Variants in ENPP1 observed in about 807,000 individuals in gnomAD.
The protein encoded by ENPP1 is ectonucleotide pyrophosphatase/phosphodiesterase family member 1.
Under a neutral mutation model 122.8 loss-of-function variants are expected in ENPP1, and 73 were observed. The observed-to-expected ratio is 0.59, with a 90% CI of 0.49 to 0.72. The LOEUF is 0.72. Among genes scored for constraint, ENPP1 ranks in the 30% least tolerant of loss-of-function variants. The pLI is 0.00. For synonymous variants in ENPP1, 367 were observed against 391.6 expected, an observed-to-expected ratio of 0.94 and a Z score of 0.74; for missense variants, 978 against 1,128.1, an observed-to-expected ratio of 0.87 and a Z score of 1.91.
At chr6:131,887,353 C>T (rs7767170) in intron 24 of ENPP1, among the ~76,000 whole-genome samples, 11,241 of 151,158 alleles carry the variant, frequency 0.074, 957 homozygotes, top group African/African-American at 0.21. Context: ...TAAAAATCTA[C>T]ATTGTAGATT....
At chr6:131,879,783 T>C in intron 19 of ENPP1, 97 bp from the exon 20 acceptor site, 1 of 1,105,584 alleles carries the variant, frequency 9.0e-7, no homozygotes, top group Non-Finnish European at 1.4e-6. Flanking sequence ...AAATCTTCAA[T>C]ATAATTAAGT....
rs143497924 is a variant in ENPP1, at chr6:131,813,675, G to A, written c.240+5400G>A. Among the ~76,000 whole-genome samples the A allele has an allele frequency of 2.2e-3, 335 of 152,162 alleles. 1 individual carries two copies. Among genetic ancestry groups the A allele is most frequent in the Middle Eastern group, 0.01 (3 of 294 alleles). ...CTTATTGCCACAGAGACGTTTTCGCGGTCTTATTTCTATTGTAACATTAAT... is the reference window on the plus strand; with the variant it reads ...CTTATTGCCACAGAGACGTTTTCGCAGTCTTATTTCTATTGTAACATTAAT... On this transcript the variant is annotated intron_variant, in intron 1 of 24. Coordinates refer to ENST00000647893, the MANE Select transcript of ENPP1 (RefSeq NM_006208.3).
At chr6:131,860,782 T>C (rs1295272119) in intron 8 of ENPP1, among the ~76,000 whole-genome samples, 1 of 151,656 alleles carries the variant, frequency 6.6e-6, no homozygotes, top group African/African-American at 2.4e-5. Context: ...ATAGCAGTAG[T>C]ATGGGGGTAA....
intron 3 of ENPP1, 139 bp from the exon 4 acceptor site, chr6:131,851,003 A>G: frequency 1.1e-6 from 1 of 906,088 alleles, no homozygotes; most frequent in Non-Finnish European, 1.8e-6. Flanking sequence ...TGGTAGTGGC[A>G]GATTCTGTGA....
intron 7 of ENPP1, among the ~76,000 whole-genome samples, chr6:131,859,987 G>C (rs1781996704): frequency 6.6e-6 from 1 of 152,068 alleles, no homozygotes; most frequent in Non-Finnish European, 1.5e-5. Context: ...ATGCTGAGTT[G>C]GTCATGTCCC....
intron 12 of ENPP1, 122 bp downstream of exon 12, chr6:131,868,248 G>A (rs1211438248): frequency 7.0e-6 from 5 of 719,272 alleles, no homozygotes; most frequent in African/African-American, 3.6e-5. Flanking sequence ...GTTTCTTATG[G>A]ACAGTCTTTA....
intron 23 of ENPP1, among the ~76,000 whole-genome samples, chr6:131,885,841 C>G (rs1255190973): frequency 1.3e-5 from 2 of 152,162 alleles, no homozygotes; most frequent in Admixed American, 6.5e-5. Flanking sequence ...AGCTGTAGCA[C>G]TGGAGAGGAT....
intron 2 of ENPP1, 101 bp downstream of exon 2, chr6:131,847,949 T>G: frequency 1.1e-6 from 1 of 881,980 alleles, no homozygotes; most frequent in African/African-American, 1.6e-5. Flanking sequence ...TATCTCCTAT[T>G]CCTATGGGTA....
At chr6:131,860,226 T>C (rs558480196) in intron 7 of ENPP1, among the ~76,000 whole-genome samples, 161 bp from the exon 8 acceptor site, 6 of 152,330 alleles carry the variant, frequency 3.9e-5, no homozygotes, top group South Asian at 2.1e-4. Flanking sequence ...TCTTAAGAGG[T>C]TGCGTTTTGC....
chr6:131,892,098 C>A lies in ENPP1; in HGVS notation c.*1587C>A, dbSNP rs530674864. 6.6e-6 allele frequency: 1 copy of A among 152,128 alleles called. No individual in the cohort carries two copies. Among genetic ancestry groups the A allele is most frequent in the Admixed American group, 6.5e-5 (1 of 15,276 alleles). The allele number at this position is 152,128 out of a possible 1,614,324, so 9.4% of individuals were successfully genotyped here. On this transcript the variant is annotated 3_prime_UTR_variant, in exon 25 of 25. Coordinates refer to ENST00000647893, the MANE Select transcript of ENPP1 (RefSeq NM_006208.3). ...TTTTTATGATGGCTGCTGTAAAATC[C>A]TTATCAGATAATTCCAACATCTGTC...
chr6:131,825,979 G>A (rs1781542132), intron 1 of ENPP1: 3 of 616,786 alleles, frequency 4.9e-6, no homozygotes, highest in Admixed American at 2.3e-5. Flanking sequence ...CTCTTCATTA[G>A]GTCAACATTT....
At chr6:131,855,756 C>CTT (rs200014818) in intron 6 of ENPP1, among the ~76,000 whole-genome samples, 4 of 140,744 alleles carry the variant, frequency 2.8e-5, no homozygotes, top group Non-Finnish European at 3.1e-5. Flanking sequence ...TGGACTCTTC[C>CTT]TTTTTTTTTT....
chr6:131,853,585 GT>G (rs1781907369), intron 5 of ENPP1, among the ~76,000 whole-genome samples: 1 of 152,166 alleles, frequency 6.6e-6, no homozygotes, highest in Admixed American at 6.5e-5. Flanking sequence ...GTTCTACAGA[GT>G]CTCTCAGTGG....
intron 1 of ENPP1, among the ~76,000 whole-genome samples, chr6:131,812,448 A>G (rs943815820): frequency 1.3e-5 from 2 of 152,196 alleles, no homozygotes; most frequent in African/African-American, 4.8e-5. Context: ...AAAATCTTCC[A>G]GGTTGGAGAC....
chr6:131,826,551 G>A, intron 1 of ENPP1: 1 of 1,224,304 alleles, frequency 8.2e-7, no homozygotes, highest in Non-Finnish European at 1.2e-6. Context: ...TTTCCTTTAG[G>A]TCTAACTCAT....
chr6:131,812,940 A>G (rs1299764349), intron 1 of ENPP1, among the ~76,000 whole-genome samples: 1 of 152,074 alleles, frequency 6.6e-6, no homozygotes, highest in Non-Finnish European at 1.5e-5. Context: ...CCTGGGTTCA[A>G]GCGATTCTTC....
At chr6:131,809,673 A>G (rs927104962) in intron 1 of ENPP1, among the ~76,000 whole-genome samples, 2 of 152,256 alleles carry the variant, frequency 1.3e-5, no homozygotes, top group African/African-American at 4.8e-5. Context: ...ACGATGAGGT[A>G]GTCGATAATT....
chr6:131,837,177 T>C (rs918947972), intron 1 of ENPP1, among the ~76,000 whole-genome samples: 2 of 137,498 alleles, frequency 1.5e-5, no homozygotes, highest in African/African-American at 5.9e-5. Flanking sequence ...TGTCATTGTG[T>C]GTGTGTGTGT....
intron 6 of ENPP1, among the ~76,000 whole-genome samples, chr6:131,858,126 G>A (rs1004683034): frequency 2.0e-5 from 3 of 152,098 alleles, no homozygotes; most frequent in African/African-American, 7.2e-5. Flanking sequence ...AAAGAATGAG[G>A]CACCAGAACT....
Sources: gnomAD v4.1 joint callset for allele counts (sites outside exome capture counted in the v4.1 genomes callset) on GRCh38, gnomAD v4.1.1 for gene constraint, MANE v1.5 for transcripts, NCBI Gene and HGNC (gene_info 2026-07-23, HGNC 2026-07-21) for gene names.